Variants in PCMTD1 observed in about 807,000 individuals in gnomAD.
PCMTD1 encodes protein-L-isoaspartate (D-aspartate) O-methyltransferase domain containing 1, also known as protein-L-isoaspartate O-methyltransferase domain-containing protein 1.
A neutral mutation model predicts 37.6 loss-of-function variants in PCMTD1; 12 were observed. The ratio of observed to expected loss-of-function variants is 0.32; its 90% CI spans 0.20 to 0.52. PCMTD1 has a LOEUF of 0.52. PCMTD1 is among the 20% of genes least tolerant of loss of function. The pLI is 0.97. For synonymous variants in PCMTD1, 117 were observed against 135.8 expected, an observed-to-expected ratio of 0.86 and a Z score of 0.96; for missense variants, 235 against 421.3, an observed-to-expected ratio of 0.56 and a Z score of 3.87.
intron 2 of PCMTD1, among the ~76,000 whole-genome samples, chr8:51,856,506 T>A (rs1390170615): frequency 1.3e-5 from 2 of 152,222 alleles, no homozygotes; most frequent in East Asian, 3.8e-4. Context: ...TCTTTAAGAA[T>A]CTACCTAACA....
chr8:51,843,552 A>C (rs1056893880), intron 3 of PCMTD1, among the ~76,000 whole-genome samples: 9 of 152,090 alleles, frequency 5.9e-5, no homozygotes, highest in Non-Finnish European at 1.0e-4. Flanking sequence ...AATGAAAATA[A>C]AACTAAAGAA....
At chr8:51,833,735 G>T in intron 3 of PCMTD1, 46 bp from the exon 4 acceptor site, 1 of 1,531,714 alleles carries the variant, frequency 6.5e-7, no homozygotes, top group South Asian at 1.2e-5. Flanking sequence ...CAAAACATTA[G>T]ATCTAAAAAA....
chr8:51,871,615 C>T (rs12680771), intron 1 of PCMTD1, among the ~76,000 whole-genome samples: 104,523 of 152,140 alleles, frequency 0.69, 42,387 homozygotes, highest in Non-Finnish European at 0.9. Context: ...CCTATCTTTT[C>T]TGTCCAGACT....
upstream of PCMTD1, chr8:51,899,140 C>G: frequency 7.3e-7 from 1 of 1,364,356 alleles, no homozygotes; most frequent in Non-Finnish European, 9.5e-7. Flanking sequence ...ACAGGGGCAG[C>G]TCCCCGCGGA....
intron 1 of PCMTD1, among the ~76,000 whole-genome samples, chr8:51,894,072 T>A (rs1320668663): frequency 6.6e-6 from 1 of 152,178 alleles, no homozygotes; most frequent in Admixed American, 6.5e-5. Context: ...GAGATTTTAC[T>A]ACTGTACTAC....
intron 1 of PCMTD1, among the ~76,000 whole-genome samples, chr8:51,864,232 G>A (rs1280912968): frequency 6.6e-6 from 1 of 152,174 alleles, no homozygotes; most frequent in African/African-American, 2.4e-5. Context: ...TATATATGCA[G>A]TCAATATTGG....
At chr8:51,889,035 T>C (rs529707650) in intron 1 of PCMTD1, among the ~76,000 whole-genome samples, 5 of 152,332 alleles carry the variant, frequency 3.3e-5, no homozygotes, top group African/African-American at 1.2e-4. Context: ...GTGGGTCTAG[T>C]GTGACTCCAA....
chr8:51,844,277 G>A (rs549813285), intron 3 of PCMTD1, among the ~76,000 whole-genome samples: 3 of 152,020 alleles, frequency 2.0e-5, no homozygotes, highest in Admixed American at 1.3e-4. Flanking sequence ...CTTGAAAAAC[G>A]AATCAAAATG....
intron 3 of PCMTD1, among the ~76,000 whole-genome samples, chr8:51,843,502 G>A (rs1002658613): frequency 6.6e-6 from 1 of 151,368 alleles, no homozygotes; most frequent in African/African-American, 2.4e-5. Context: ...TGTATTTTAC[G>A]ATTCATCATA....
chr8:51,890,203 G>GTAAT (rs2129295051), intron 1 of PCMTD1, among the ~76,000 whole-genome samples: 1 of 152,142 alleles, frequency 6.6e-6, no homozygotes, highest in African/African-American at 2.4e-5. Flanking sequence ...AAGAATAAAG[G>GTAAT]TTCAAATTAC....
At chr8:51,849,429 T>C (rs1332537280) in intron 2 of PCMTD1, 2 of 152,132 alleles carry the variant, frequency 1.3e-5, no homozygotes, top group African/African-American at 2.4e-5. Context: ...TGTAAAGATG[T>C]TTCTATGAAA....
intron 2 of PCMTD1, chr8:51,849,990 A>G (rs771207409): frequency 2.7e-5 from 19 of 692,664 alleles, no homozygotes; most frequent in Non-Finnish European, 4.5e-5. Context: ...CTTACAGAAC[A>G]TAGCCACAGG....
intron 3 of PCMTD1, among the ~76,000 whole-genome samples, chr8:51,834,549 A>ATCCT (rs1296409686): frequency 6.6e-6 from 1 of 152,244 alleles, no homozygotes; most frequent in Non-Finnish European, 1.5e-5. Context: ...ATTAATTCGT[A>ATCCT]TCCTTTCACT....
At chr8:51,820,814 T>C (rs1013293879) in intron 5 of PCMTD1, 96 bp from the exon 6 acceptor site, 5 of 1,312,264 alleles carry the variant, frequency 3.8e-6, no homozygotes, top group East Asian at 5.3e-5. Context: ...TTTCTTAGCA[T>C]ATTTTAGAAA....
chr8:51,836,002 C>G (rs1222588035), intron 3 of PCMTD1, among the ~76,000 whole-genome samples: 1 of 152,208 alleles, frequency 6.6e-6, no homozygotes, highest in Admixed American at 6.5e-5. Flanking sequence ...TTATTGAGCA[C>G]TAGCTTTGTG....
intron 1 of PCMTD1, among the ~76,000 whole-genome samples, chr8:51,873,215 C>T (rs564480107): frequency 6.6e-6 from 1 of 151,962 alleles, no homozygotes; most frequent in Admixed American, 6.6e-5. Context: ...ATTACCTGCA[C>T]CATAAAAATA....
At chr8:51,850,023 A>C (rs986083095) in intron 2 of PCMTD1, 12 of 701,292 alleles carry the variant, frequency 1.7e-5, no homozygotes, top group Non-Finnish European at 3.1e-5. Flanking sequence ...CACAATACAT[A>C]AAGTTCTGAA....
intron 1 of PCMTD1, among the ~76,000 whole-genome samples, chr8:51,867,317 C>A (rs1456713656): frequency 6.6e-6 from 1 of 151,930 alleles, no homozygotes; most frequent in Non-Finnish European, 1.5e-5. Context: ...ATCTTATGAT[C>A]CAGTCAGTAA....
rs1479991622 is a variant in PCMTD1, at chr8:51,849,955, C to T, written c.308-4192G>A. The stretch of plus-strand genomic sequence containing the variant: ...CTGCATTTGAATGAAGTTCACTGTG[C>T]CTTTAGTATTTTGTGTAAAGCTAAC... On this transcript the variant is annotated intron_variant, in intron 2 of 5. Coordinates refer to ENST00000522514, the MANE Select transcript of PCMTD1 (RefSeq NM_052937.4). 1.4e-5 allele frequency: 9 copies of T among 657,218 alleles called. No individual in the cohort carries two copies. The East Asian group carries it at 2.4e-4, about 18-fold the overall frequency. The allele number at this position is 657,218 out of a possible 1,614,324, so 40.7% of individuals were successfully genotyped here.
Sources: allele counts gnomAD v4.1 joint callset (sites outside exome capture counted in the v4.1 genomes callset), GRCh38; gene constraint gnomAD v4.1.1; transcripts MANE v1.5; gene names NCBI Gene and HGNC (gene_info 2026-07-23, HGNC 2026-07-21).